The following RNF2 variants were observed in gnomAD, a reference collection of about 807,000 sequenced individuals.
RNF2 encodes ring finger protein 2, also known as E3 ubiquitin-protein ligase RING2.
A neutral mutation model predicts 37.2 loss-of-function variants in RNF2; 6 were observed. The ratio of observed to expected loss-of-function variants is 0.16; its 90% CI spans 0.09 to 0.32. RNF2 has a LOEUF of 0.32. RNF2 is among the 10% of genes least tolerant of loss of function. The pLI is 1.00. For missense variants in RNF2, 251 were observed against 404.0 expected (o/e 0.62, Z 3.25); for synonymous variants, 133 against 132.7 (o/e 1.00, Z -0.02).
chr1:185,097,023 T>C (rs1378780828), intron 4 of RNF2, among the ~76,000 whole-genome samples: 1 of 152,150 alleles, frequency 6.6e-6, no homozygotes, highest in African/African-American at 2.4e-5. Context: ...GGCAGTGTGG[T>C]AGGAAGAATG....
intron 1 of RNF2, among the ~76,000 whole-genome samples, chr1:185,046,787 C>T (rs1650135073): frequency 6.6e-6 from 1 of 152,156 alleles, no homozygotes; most frequent in African/African-American, 2.4e-5. Context: ...GAGCGATTTG[C>T]ATTACATAAT....
intron 4 of RNF2, 101 bp from the exon 5 acceptor site, chr1:185,097,971 A>AT: frequency 1.7e-5 from 21 of 1,268,036 alleles, no homozygotes; most frequent in African/African-American, 9.0e-5. Flanking sequence ...AGTTACCAGT[A>AT]TTTTTTGGAA....
In RNF2 at chr1:185,098,080, G is replaced by A. The variant is rs1651962968; in HGVS notation, c.473G>A (p.Arg158Gln). The A allele has an allele frequency of 6.2e-7, 1 of 1,613,694 alleles. No homozygotes were observed. The change falls in exon 5 of 7, where the codon CGA becomes CAA. Residue 158 changes from arginine to glutamine, a missense_variant. Around this residue, in one of 7 missense-constraint regions of RNF2, gnomAD observed 94 missense variants for 99.2 expected, o/e 0.95. Coordinates refer to ENST00000367510, the MANE Select transcript of RNF2 (RefSeq NM_007212.4). ...LKIQAMNRLQRGKKQQIENGS... is the reference protein window; with the variant it reads ...LKIQAMNRLQQGKKQQIENGS... ...TTTTCCCCCTTGACTAGACTGCAGC[G>A]AGGCAAGAAACAACAGATTGAAAAT...
At chr1:185,061,645 A>T (rs912822569) in intron 1 of RNF2, among the ~76,000 whole-genome samples, 1 of 152,186 alleles carries the variant, frequency 6.6e-6, no homozygotes, top group Non-Finnish European at 1.5e-5. Context: ...GGGAAGCTAG[A>T]TGTGTGAATT....
In RNF2 at chr1:185,091,626, A is replaced by G; in HGVS notation, c.135A>G (p.Leu45=). The part of the protein sequence containing the change: ...GLEIVVSPRS[L]HSELMCPICL... The stretch of plus-strand genomic sequence containing the variant: ...AAATTGTGGTTTCACCTCGAAGTCT[A>G]CACAGTGAATTAATGTGCCCAATTT... The change falls in exon 3 of 7, where the codon CTA becomes CTG. Residue 45 remains leucine (L), a synonymous_variant. Coordinates refer to ENST00000367510, the MANE Select transcript of RNF2 (RefSeq NM_007212.4). The G allele has an allele frequency of 6.2e-7, 1 of 1,614,114 alleles. No homozygotes were observed. Among genetic ancestry groups the G allele is most frequent in the Non-Finnish European group, 8.5e-7 (1 of 1,179,984 alleles).
chr1:185,052,788 G>C (rs1038550269), intron 1 of RNF2, among the ~76,000 whole-genome samples: 1 of 152,198 alleles, frequency 6.6e-6, no homozygotes, highest in Non-Finnish European at 1.5e-5. Flanking sequence ...AAGCTGTGAA[G>C]TGCTGGGCAA....
chr1:185,063,770 A>G (rs1650718397), intron 1 of RNF2, among the ~76,000 whole-genome samples: 1 of 152,170 alleles, frequency 6.6e-6, no homozygotes, highest in South Asian at 2.1e-4. Flanking sequence ...TCTGGAGGTT[A>G]CCTGCATTCT....
chr1:185,069,140 T>A (rs1165973012), intron 1 of RNF2, among the ~76,000 whole-genome samples: 1 of 152,198 alleles, frequency 6.6e-6, no homozygotes, highest in Non-Finnish European at 1.5e-5. Flanking sequence ...TATGAATTCC[T>A]CTTTCACCTA....
chr1:185,062,737 TAAAAG>T (rs1650647736), intron 1 of RNF2, among the ~76,000 whole-genome samples: 1 of 151,322 alleles, frequency 6.6e-6, no homozygotes, highest in Non-Finnish European at 1.5e-5. Flanking sequence ...TCAATTTCCT[TAAAAG>T]AAGGAGTTCT....
At chr1:185,063,684 G>T (rs575359808) in intron 1 of RNF2, among the ~76,000 whole-genome samples, 34 of 152,322 alleles carry the variant, frequency 2.2e-4, no homozygotes, top group African/African-American at 7.9e-4. Flanking sequence ...TTACGGGATT[G>T]AAATTAAGGT....
intron 1 of RNF2, among the ~76,000 whole-genome samples, chr1:185,064,009 C>T (rs935776344): frequency 6.6e-6 from 1 of 152,174 alleles, no homozygotes; most frequent in African/African-American, 2.4e-5. Context: ...TGGCAAAGTC[C>T]ATTTTGCCAT....
At chr1:185,053,328 T>C (rs1650323295) in intron 1 of RNF2, among the ~76,000 whole-genome samples, 1 of 150,550 alleles carries the variant, frequency 6.6e-6, no homozygotes, top group Admixed American at 6.6e-5. Flanking sequence ...TCATTTTCCT[T>C]TTTTTCTTTT....
rs892370912 is a variant in RNF2 at position 185,102,432 on chromosome 1, A to G, written c.*2131A>G. 3.3e-5 allele frequency: 5 copies of G among 152,232 alleles called. No individual in the cohort carries two copies. Among genetic ancestry groups the G allele is most frequent in the Non-Finnish European group, 7.4e-5 (5 of 68,026 alleles). 9.4% of individuals were successfully genotyped at this position (152,232 alleles called of 1,614,324 possible). A position where few individuals can be genotyped will look rare whatever the true frequency, so the allele number is the denominator to read the frequency against. ...TAGTTCTAAATTTTTTTATGGTAAC[A>G]TATACATAGCCACATTTACAGTTTT... On this transcript the variant is annotated 3_prime_UTR_variant, in exon 7 of 7. Transcript: ENST00000367510.
intron 1 of RNF2, among the ~76,000 whole-genome samples, chr1:185,055,466 G>A (rs540407782): frequency 1.5e-4 from 23 of 152,246 alleles, no homozygotes; most frequent in Middle Eastern, 3.4e-3. Context: ...TGCTCCTCAG[G>A]CTGGAGTGCA....
rs1652091317 is a variant in RNF2 at position 185,101,928 on chromosome 1, GTAATGT to G, written c.*1631_*1636del. 1 of 141,594 alleles carries G rather than the reference GTAATGT, an allele frequency of 7.1e-6. No individual in the cohort carries two copies. Among genetic ancestry groups the G allele is most frequent in the African/African-American group, 2.7e-5 (1 of 37,146 alleles). The allele number at this position is 141,594 out of a possible 1,614,324, so 8.8% of individuals were successfully genotyped here. A position where few individuals can be genotyped will look rare whatever the true frequency, so the allele number is the denominator to read the frequency against. Reference sequence around the variant, plus strand: ...TTATATATTCAATTCCTTTTCTGGTGTAATGTTAAAGTTGTATAGATTATTAATGCA... The same window carrying G: ...TTATATATTCAATTCCTTTTCTGGTGTAAAGTTGTATAGATTATTAATGCA... On this transcript the variant is annotated 3_prime_UTR_variant, in exon 7 of 7. Coordinates refer to ENST00000367510, the MANE Select transcript of RNF2 (RefSeq NM_007212.4).
In RNF2 at chr1:185,098,992, C is replaced by T. The variant is rs1406064002; in HGVS notation, c.737+648C>T. ...GTCTCGATCTCTTGACCTCGTGATC[C>T]GCCTGCCTTGGCCTCCCAAAGTGCT... On this transcript the variant is annotated intron_variant, in intron 5 of 6. Coordinates refer to ENST00000367510, the MANE Select transcript of RNF2 (RefSeq NM_007212.4). 4.0e-5 allele frequency among the ~76,000 whole-genome samples: 6 copies of T among 150,128 alleles called. No homozygotes were observed. In the South Asian group the frequency reaches 6.3e-4, roughly 16 times the overall value.
Position 185,093,205 on chromosome 1 carries a change from C to T in RNF2, c.393C>T (p.Ile131=), listed in dbSNP as rs1571325269. 1.2e-6 allele frequency: 2 copies of T among 1,613,878 alleles called. No individual in the cohort carries two copies. The highest frequency in any genetic ancestry group is 4.5e-5 in the East Asian group (2 of 44,870). Residue 131 remains isoleucine, a synonymous_variant, in exon 4 of 7, where the codon ATC becomes ATT. Transcript: ENST00000367510. ...ATCAAGAGAGAGTATTAGCCAGGAT[C>T]AACAAGCACAATAATCAGCAAGCAC... The part of the protein sequence containing the change: ...EAHQERVLAR[I]NKHNNQQALS...
chr1:185,085,132 CTTCT>C (rs1423345346), intron 1 of RNF2, among the ~76,000 whole-genome samples: 21 of 146,090 alleles, frequency 1.4e-4, no homozygotes, highest in African/African-American at 4.6e-4. Context: ...ATATTTGACC[CTTCT>C]TTCTTTTTCT....
intron 1 of RNF2, among the ~76,000 whole-genome samples, chr1:185,065,907 G>A (rs1320795138): frequency 6.6e-6 from 1 of 150,416 alleles, no homozygotes; most frequent in Non-Finnish European, 1.5e-5. Context: ...ACTTCCACTA[G>A]TATGTTGAAT....
Sources: gnomAD v4.1 joint callset for allele counts (sites outside exome capture counted in the v4.1 genomes callset) on GRCh38, gnomAD v4.1.1 for gene constraint, gnomAD v4.1.1 regional missense constraint, MANE v1.5 for transcripts, NCBI Gene and HGNC (gene_info 2026-07-23, HGNC 2026-07-21) for gene names.